Variants in ADAMTSL1 observed in about 807,000 individuals in gnomAD.
The protein encoded by ADAMTSL1 is ADAMTS like 1.
Under a neutral mutation model 201.8 loss-of-function variants are expected in ADAMTSL1, and 126 were observed. That is an observed-to-expected ratio of 0.62 (90% CI 0.54 to 0.72). The LOEUF (loss-of-function observed/expected upper bound fraction) is 0.72, where lower values mean the gene tolerates loss of function less well. Ranked by LOEUF, ADAMTSL1 falls within the 30% of genes least tolerant of loss-of-function variation. ADAMTSL1 has a pLI of 0.00. For synonymous variants in ADAMTSL1, 1,121 were observed against 903.4 expected (o/e 1.24, Z -4.32); for missense variants, 2,679 against 2,277.8 (o/e 1.18, Z -3.59).
chr9:18,494,179 A>T (rs1822406255), intron 1 of ADAMTSL1, among the ~76,000 whole-genome samples: 1 of 152,120 alleles, frequency 6.6e-6, no homozygotes, highest in East Asian at 1.9e-4. Context: ...AACATGGTGA[A>T]ACCCTGTCTC....
chr9:18,430,404 G>A (rs1819435435), intron 2 of ADAMTSL1, among the ~76,000 whole-genome samples: 1 of 152,120 alleles, frequency 6.6e-6, no homozygotes, highest in Admixed American at 6.5e-5. Flanking sequence ...TTATATTAGA[G>A]GTTGCTAATC....
At chr9:18,834,054 T>C (rs1825164483) in intron 23 of ADAMTSL1, among the ~76,000 whole-genome samples, 1 of 152,198 alleles carries the variant, frequency 6.6e-6, no homozygotes, top group South Asian at 2.1e-4. Context: ...TATGTGTCTG[T>C]TTTTGTACCA....
rs1830111802 is a variant in ADAMTSL1, at chr9:18,676,002, GAT to G, written c.1136+96_1136+97del. 10 of 1,205,492 alleles carry G rather than the reference GAT, an allele frequency of 8.3e-6. No individual in the cohort carries two copies. The Admixed American group carries it at 1.6e-4, about 20-fold the overall frequency. The allele number at this position is 1,205,492 out of a possible 1,614,324, so 74.7% of individuals were successfully genotyped here. On this transcript the variant is annotated intron_variant, in intron 10 of 28. Transcript: ENST00000380548. Reference sequence around the variant, plus strand: ...AGATATACATATACATAGAGAGAGAGATTATATGTTTTTAAGATGGTAGATGG... The same window carrying G: ...AGATATACATATACATAGAGAGAGAGTATATGTTTTTAAGATGGTAGATGG...
At chr9:18,507,632 T>C (rs1817755104) in intron 2 of ADAMTSL1, among the ~76,000 whole-genome samples, 2 of 152,204 alleles carry the variant, frequency 1.3e-5, no homozygotes. Context: ...TTGAACAGCT[T>C]AGATAGTTCC....
At chr9:18,295,401 C>T (rs1475957180) in intron 2 of ADAMTSL1, among the ~76,000 whole-genome samples, 5 of 151,486 alleles carry the variant, frequency 3.3e-5, no homozygotes, top group South Asian at 2.1e-4. Flanking sequence ...TGCAGTGGCG[C>T]GATCTTGGCT....
At chr9:18,229,014 C>A (rs984609487) in intron 2 of ADAMTSL1, among the ~76,000 whole-genome samples, 3 of 151,962 alleles carry the variant, frequency 2.0e-5, no homozygotes, top group East Asian at 1.9e-4. Flanking sequence ...ATTTTATAGA[C>A]CTCCATGGTG....
chr9:18,788,985 A>G (rs909725513), intron 19 of ADAMTSL1, among the ~76,000 whole-genome samples: 1 of 152,140 alleles, frequency 6.6e-6, no homozygotes, highest in Non-Finnish European at 1.5e-5. Flanking sequence ...GAATTAAGGT[A>G]GTTGCCAACC....
chr9:18,135,656 A>G (rs1031195870), intron 1 of ADAMTSL1, among the ~76,000 whole-genome samples: 1 of 152,114 alleles, frequency 6.6e-6, no homozygotes, highest in Non-Finnish European at 1.5e-5. Flanking sequence ...TCTTTTATAT[A>G]TTAATATATA....
intron 4 of ADAMTSL1, among the ~76,000 whole-genome samples, chr9:18,588,884 C>CATATATATATATATATATGTATATAT (rs1823710576): frequency 1.6e-5 from 2 of 122,860 alleles, no homozygotes; most frequent in Non-Finnish European, 3.5e-5. Flanking sequence ...TATACATATA[C>CATATATATATATATATATGTATATAT]ATATATATAT....
At chr9:18,146,983 T>C (rs1826672125) in intron 1 of ADAMTSL1, among the ~76,000 whole-genome samples, 1 of 152,142 alleles carries the variant, frequency 6.6e-6, no homozygotes, top group Non-Finnish European at 1.5e-5. Context: ...ACTCTATCTC[T>C]TTGAAGGCAT....
At chr9:17,908,014 G>A (rs114148145) in intron 1 of ADAMTSL1, among the ~76,000 whole-genome samples, 2,135 of 152,036 alleles carry the variant, frequency 0.014, 45 homozygotes, top group African/African-American at 0.049. Flanking sequence ...TTTTCTTAAC[G>A]TTTTGCAACT....
intron 1 of ADAMTSL1, among the ~76,000 whole-genome samples, chr9:17,913,848 G>T (rs1161494411): frequency 6.6e-6 from 1 of 151,998 alleles, no homozygotes; most frequent in Admixed American, 6.6e-5. Context: ...TATCACCACC[G>T]ATCCCACAGA....
At chr9:18,772,319 G>GGCC (rs1820741802) in intron 17 of ADAMTSL1, among the ~76,000 whole-genome samples, 1 of 152,184 alleles carries the variant, frequency 6.6e-6, no homozygotes, top group Admixed American at 6.5e-5. Flanking sequence ...GTCTTCCTGT[G>GGCC]TTCCTGGAGT....
intron 1 of ADAMTSL1, among the ~76,000 whole-genome samples, chr9:18,034,287 C>T (rs2131615648): frequency 6.6e-6 from 1 of 152,190 alleles, no homozygotes; most frequent in South Asian, 2.1e-4. Context: ...TTGGCATCTG[C>T]CCTGTGGCTC....
chr9:18,430,870 A>C (rs1293054104), intron 2 of ADAMTSL1, among the ~76,000 whole-genome samples: 4 of 152,218 alleles, frequency 2.6e-5, no homozygotes, highest in Non-Finnish European at 5.9e-5. Context: ...TTGGGCAGGA[A>C]GTGGGTTAGA....
At chr9:18,856,223 A>C (rs1826838244) in intron 23 of ADAMTSL1, among the ~76,000 whole-genome samples, 1 of 152,170 alleles carries the variant, frequency 6.6e-6, no homozygotes, top group Admixed American at 6.5e-5. Context: ...AAATTGGAGG[A>C]AAAGTGAAGG....
intron 4 of ADAMTSL1, among the ~76,000 whole-genome samples, chr9:18,582,537 G>T (rs1017503972): frequency 1.3e-5 from 2 of 152,098 alleles, no homozygotes; most frequent in South Asian, 2.1e-4. Context: ...AGTCTCATGA[G>T]ATCTGATGGT....
At chr9:18,504,150 C>G (rs545754414) in intron 1 of ADAMTSL1, among the ~76,000 whole-genome samples, 6 of 152,240 alleles carry the variant, frequency 3.9e-5, no homozygotes, top group East Asian at 1.9e-4. Context: ...AGAGCCTGTT[C>G]TCTTAACTAT....
intron 5 of ADAMTSL1, among the ~76,000 whole-genome samples, chr9:18,627,125 G>A (rs1826438946): frequency 6.6e-6 from 1 of 151,916 alleles, no homozygotes. Context: ...GGGATTACAG[G>A]TGCACACCAT....
Sources: allele counts gnomAD v4.1 joint callset (sites outside exome capture counted in the v4.1 genomes callset), GRCh38; gene constraint gnomAD v4.1.1; transcripts MANE v1.5; gene names NCBI Gene and HGNC (gene_info 2026-07-23, HGNC 2026-07-21).